VRK2: variants seen among roughly 807,000 people sequenced by gnomAD.
VRK2 encodes serine/threonine-protein kinase VRK2.
VRK2 carries 60 observed loss-of-function variants against 57.6 expected under a neutral mutation model. That is an observed-to-expected ratio of 1.04 (90% CI 0.85 to 1.29). The LOEUF (loss-of-function observed/expected upper bound fraction) is 1.29. Among genes scored for constraint, VRK2 ranks in the 50% most tolerant of loss-of-function variants. The pLI is 0.00. For synonymous variants in VRK2, 231 were observed against 199.2 expected (o/e 1.16, Z -1.35); for missense variants, 705 against 588.1 (o/e 1.20, Z -2.06).
chr2:58,127,242 C>G (rs1573269123), intron 8 of VRK2, among the ~76,000 whole-genome samples: 1 of 151,974 alleles, frequency 6.6e-6, no homozygotes, highest in South Asian at 2.1e-4. Context: ...CTCCAACTTA[C>G]AAAATATATG....
chr2:57,974,519 T>G (rs1238136634), intron 1 of VRK2, among the ~76,000 whole-genome samples: 5 of 151,788 alleles, frequency 3.3e-5, no homozygotes, highest in African/African-American at 1.2e-4. Context: ...AAACTAAATA[T>G]AAAATTATAA....
intron 1 of VRK2, among the ~76,000 whole-genome samples, chr2:57,960,759 T>C (rs1056602661): frequency 6.6e-6 from 1 of 152,218 alleles, no homozygotes; most frequent in Non-Finnish European, 1.5e-5. Flanking sequence ...ACAGATTAGA[T>C]GTGCAAACTA....
At chr2:58,144,896 A>G (rs1480115689) in intron 11 of VRK2, among the ~76,000 whole-genome samples, 1 of 152,060 alleles carries the variant, frequency 6.6e-6, no homozygotes, top group Admixed American at 6.6e-5. Flanking sequence ...AAACACCAGC[A>G]TATTTTAAAG....
intron 1 of VRK2, among the ~76,000 whole-genome samples, chr2:58,005,742 G>A (rs1673222786): frequency 6.6e-6 from 1 of 152,058 alleles, no homozygotes; most frequent in Non-Finnish European, 1.5e-5. Flanking sequence ...TAAAGCAAGG[G>A]CATTGATTGG....
At chr2:57,962,409 C>CT (rs976676209) in intron 1 of VRK2, among the ~76,000 whole-genome samples, 81 of 151,618 alleles carry the variant, frequency 5.3e-4, no homozygotes, top group South Asian at 8.4e-4. Flanking sequence ...ACCTCTATTT[C>CT]TTTTTTTTTG....
chr2:58,054,926 C>T (rs746455377), intron 2 of VRK2, among the ~76,000 whole-genome samples: 38 of 152,078 alleles, frequency 2.5e-4, no homozygotes, highest in Non-Finnish European at 5.1e-4. Flanking sequence ...TGAGGACTTC[C>T]CTTGTTTCTT....
chr2:57,978,411 C>T (rs1301834724), intron 1 of VRK2, among the ~76,000 whole-genome samples: 1 of 151,054 alleles, frequency 6.6e-6, no homozygotes, highest in Middle Eastern at 3.2e-3. Flanking sequence ...GCCATGTCCA[C>T]TTCTAAGCCT....
intron 1 of VRK2, among the ~76,000 whole-genome samples, chr2:58,015,368 T>C (rs564108146): frequency 2.1e-4 from 32 of 152,236 alleles, no homozygotes; most frequent in Non-Finnish European, 4.4e-4. Context: ...TGCTTGGCTA[T>C]GAATCCTGGC....
intron 2 of VRK2, among the ~76,000 whole-genome samples, chr2:58,061,661 G>C (rs926000213): frequency 6.6e-6 from 1 of 151,948 alleles, no homozygotes; most frequent in Non-Finnish European, 1.5e-5. Flanking sequence ...AAACAAGGAT[G>C]TATATAGGGT....
intron 1 of VRK2, among the ~76,000 whole-genome samples, chr2:57,930,465 C>T (rs1450628888): frequency 1.3e-5 from 2 of 152,152 alleles, no homozygotes; most frequent in Admixed American, 6.5e-5. Context: ...ATCAGCAATT[C>T]AAGACTGTCT....
chr2:58,099,824 A>T, intron 7 of VRK2, among the ~76,000 whole-genome samples: 1 of 152,008 alleles, frequency 6.6e-6, no homozygotes. Flanking sequence ...AAATCACTTA[A>T]CCTGTATAGG....
intron 1 of VRK2, among the ~76,000 whole-genome samples, chr2:57,978,819 C>T (rs1040892526): frequency 1.3e-5 from 2 of 150,608 alleles, no homozygotes. Flanking sequence ...GACCCTACAA[C>T]AGGCCCTGGT....
intron 1 of VRK2, among the ~76,000 whole-genome samples, chr2:57,944,459 G>A (rs1671194344): frequency 2.0e-5 from 3 of 152,204 alleles, no homozygotes; most frequent in South Asian, 4.1e-4. Context: ...AAACATGGCC[G>A]GGCGCGGTGG....
intron 7 of VRK2, among the ~76,000 whole-genome samples, chr2:58,122,691 A>G (rs934675494): frequency 6.6e-6 from 1 of 152,092 alleles, no homozygotes; most frequent in Non-Finnish European, 1.5e-5. Context: ...TCTTTTTAGA[A>G]TGTTTGCTCT....
At chr2:57,922,583 T>G (rs1670388149) in intron 1 of VRK2, among the ~76,000 whole-genome samples, 1 of 151,826 alleles carries the variant, frequency 6.6e-6, no homozygotes, top group East Asian at 1.9e-4. Flanking sequence ...CTTTTCACAA[T>G]TAGTATACAA....
At chr2:58,049,001 A>G (rs1426880905) in intron 2 of VRK2, 34 bp downstream of exon 2, 4 of 1,603,506 alleles carry the variant, frequency 2.5e-6, no homozygotes, top group East Asian at 2.2e-5. Flanking sequence ...AATTATTCTT[A>G]TATCTGTGAC....
At chr2:57,954,170 C>T (rs1302419643) in intron 1 of VRK2, among the ~76,000 whole-genome samples, 3 of 152,050 alleles carry the variant, frequency 2.0e-5, no homozygotes, top group Admixed American at 1.3e-4. Flanking sequence ...TTTTCATAAA[C>T]TTGCATTTAG....
chr2:58,136,314 A>C (rs17049366), intron 10 of VRK2, among the ~76,000 whole-genome samples: 10,492 of 152,116 alleles, frequency 0.069, 432 homozygotes, highest in Middle Eastern at 0.1. Flanking sequence ...TGCAAGATGA[A>C]ATTTTTGTTT....
chr2:58,143,947 G>A (rs1170226744), intron 11 of VRK2, among the ~76,000 whole-genome samples: 3 of 150,842 alleles, frequency 2.0e-5, no homozygotes, highest in Non-Finnish European at 4.4e-5. Context: ...GTGTCTGTTT[G>A]TGTATATATG....
Sources: allele counts gnomAD v4.1 joint callset (sites outside exome capture counted in the v4.1 genomes callset), GRCh38; gene constraint gnomAD v4.1.1; transcripts MANE v1.5; gene names NCBI Gene and HGNC (gene_info 2026-07-23, HGNC 2026-07-21).